NKD1: variants seen among roughly 807,000 people sequenced by gnomAD.
NKD1 encodes protein naked cuticle homolog 1.
A neutral mutation model predicts 56.0 loss-of-function variants in NKD1; 21 were observed. The ratio of observed to expected loss-of-function variants is 0.38; its 90% CI spans 0.27 to 0.54. The LOEUF (loss-of-function observed/expected upper bound fraction) is 0.54. NKD1 is among the 20% of genes least tolerant of loss of function. The pLI is 0.82. For synonymous variants in NKD1, 263 were observed against 265.7 expected, an observed-to-expected ratio of 0.99 and a Z score of 0.10; for missense variants, 578 against 642.7, an observed-to-expected ratio of 0.90 and a Z score of 1.09.
chr16:50,627,138 T>G (rs112532149), intron 6 of NKD1, among the ~76,000 whole-genome samples: 516 of 152,040 alleles, frequency 3.4e-3, no homozygotes, highest in African/African-American at 0.012. Context: ...ATGCTCCAAC[T>G]GCTGTATTCG....
At position 50,548,471 on chromosome 16, in the gene NKD1, G is replaced by C. The variant is rs1960283721; in HGVS notation, c.-83G>C. 3.5e-6 allele frequency: 4 copies of C among 1,155,436 alleles called. No individual in the cohort carries two copies. The South Asian group carries it at 7.3e-5, about 21-fold the overall frequency. 71.6% of individuals were successfully genotyped at this position (1,155,436 alleles called of 1,614,324 possible). On this transcript the variant is annotated 5_prime_UTR_variant, in exon 1 of 10. Transcript: ENST00000268459. ...CTCCGCTCGGCTCGGGGGCTGCTTC[G>C]GGAGGAGGAGAGCCAAGGGAGGCGC...
chr16:50,598,229 C>CTGTGTGTGTG lies in NKD1; in HGVS notation c.193-10040_193-10031dup, dbSNP rs5816707. On this transcript the variant is annotated intron_variant, in intron 3 of 9. Transcript: ENST00000268459. This position sits in a 1 kb window ranked among gnomAD's most constrained non-coding sequence, Gnocchi z 4.2. ...CACTGCAGGGCCGCATGGGTGGACT[C>CTGTGTGTGTG]TGTGTGTGTGTGTGTGTGTGTGTGT... 2.6e-4 allele frequency among the ~76,000 whole-genome samples: 38 copies of CTGTGTGTGTG among 143,952 alleles called. No individual in the cohort carries two copies. Among genetic ancestry groups the CTGTGTGTGTG allele is most frequent in the South Asian group, 9.0e-4 (4 of 4,424 alleles). The allele number at this position is 143,952 out of a possible 152,430, so 94.4% of individuals were successfully genotyped here.
chr16:50,630,854 G>C lies in NKD1; in HGVS notation c.639G>C (p.Glu213Asp). ...ADLQSARPRAETKPTEDLRSW... is the reference protein window; with the variant it reads ...ADLQSARPRADTKPTEDLRSW... ...TGCAGAGCGCAAGGCCCCGAGCAGA[G>C]ACCAAGCCCACTGAGGACCTGCGGA... is the stretch of plus-strand genomic sequence containing the variant. Residue 213 changes from glutamate (E) to aspartate (D), a missense_variant, in exon 8 of 10, where the codon GAG becomes GAC. By Grantham distance (45) the Glu-to-Asp change is conservative. Transcript: ENST00000268459. 9.3e-6 allele frequency: 15 copies of C among 1,607,004 alleles called. No individual in the cohort carries two copies. The highest frequency in any genetic ancestry group is 1.3e-5 in the Non-Finnish European group (15 of 1,177,300).
At chr16:50,589,694 T>TTTCTCTTCTCTTCTCTTCTC (rs58760004) in intron 3 of NKD1, among the ~76,000 whole-genome samples, 2 of 120,674 alleles carry the variant, frequency 1.7e-5, no homozygotes, top group African/African-American at 6.2e-5. Context: ...TTTCTTTTCT[T>TTTCTCTTCTCTTCTCTTCTC]TTCTCTTCTC....
At chr16:50,580,137 G>A (rs1221904298) in intron 3 of NKD1, among the ~76,000 whole-genome samples, 3 of 152,220 alleles carry the variant, frequency 2.0e-5, no homozygotes, top group East Asian at 1.9e-4. Context: ...TCTCAGTCCC[G>A]TGGACTATGT....
At chr16:50,587,626 T>C (rs1324637251) in intron 3 of NKD1, among the ~76,000 whole-genome samples, 1 of 152,238 alleles carries the variant, frequency 6.6e-6, no homozygotes, top group East Asian at 1.9e-4. Context: ...GACTTCCCTC[T>C]GCTTCTACAG....
intron 3 of NKD1, among the ~76,000 whole-genome samples, chr16:50,597,666 C>T (rs1221874915): frequency 2.6e-5 from 4 of 152,176 alleles, no homozygotes; most frequent in African/African-American, 9.7e-5. Context: ...TCCTATCTGA[C>T]AGCACTGTGG....
chr16:50,602,385 C>T (rs1354319479), intron 3 of NKD1, among the ~76,000 whole-genome samples: 2 of 152,144 alleles, frequency 1.3e-5, no homozygotes, highest in East Asian at 1.9e-4. Flanking sequence ...ATTCTAGAGA[C>T]GAGGGGGCCG....
intron 3 of NKD1, chr16:50,556,218 C>G (rs1472080467): frequency 6.6e-6 from 1 of 152,302 alleles, no homozygotes; most frequent in Non-Finnish European, 1.5e-5. Flanking sequence ...TGGAGGCAAG[C>G]CTGAGCAGCT....
rs375412373 is a variant in NKD1, at chr16:50,549,876, C to A, written c.192+321C>A. The stretch of plus-strand genomic sequence containing the variant: ...CTGACTTCTACCTTGTTTCTGCCAC[C>A]AGCATTCAAAGGTGGAGGTGGAGTA... On this transcript the variant is annotated intron_variant, in intron 3 of 9. Coordinates refer to ENST00000268459, the MANE Select transcript of NKD1 (RefSeq NM_033119.5). 6.6e-5 allele frequency among the ~76,000 whole-genome samples: 10 copies of A among 152,104 alleles called. No individual in the cohort carries two copies. The South Asian group carries it at 1.2e-3, about 19-fold the overall frequency.
rs1277760735 is a variant in NKD1, at chr16:50,632,861, A to G, written c.824-331A>G. 6.6e-6 allele frequency among the ~76,000 whole-genome samples: 1 copy of G among 152,030 alleles called. No homozygotes were observed. Among genetic ancestry groups the G allele is most frequent in the Non-Finnish European group, 1.5e-5 (1 of 68,020 alleles). On this transcript the variant is annotated intron_variant, in intron 9 of 9. Transcript: ENST00000268459. The surrounding 1 kb of genome is among the most constrained non-coding windows in gnomAD (Gnocchi z 4.1). ...TCTTCATATGTTTAATTCCTCTATGAGTTACTTCTGTATGTTTTTAGCAAT... is the reference window on the plus strand; with the variant it reads ...TCTTCATATGTTTAATTCCTCTATGGGTTACTTCTGTATGTTTTTAGCAAT...
intron 4 of NKD1, among the ~76,000 whole-genome samples, chr16:50,612,115 A>C (rs1961860768): frequency 6.6e-6 from 1 of 152,188 alleles, no homozygotes; most frequent in African/African-American, 2.4e-5. Flanking sequence ...ATAAACACTC[A>C]CTGAAGAAGG....
intron 3 of NKD1, among the ~76,000 whole-genome samples, chr16:50,569,714 C>A (rs1411376515): frequency 6.6e-6 from 1 of 152,202 alleles, no homozygotes; most frequent in Non-Finnish European, 1.5e-5. Context: ...CTCCTCTCCT[C>A]CCACTTAGAT....
At chr16:50,590,818 T>TTTG (rs562142912) in intron 3 of NKD1, among the ~76,000 whole-genome samples, 10 of 152,074 alleles carry the variant, frequency 6.6e-5, no homozygotes, top group South Asian at 2.1e-4. Flanking sequence ...AAGCCTTTTT[T>TTTG]TTGTTGTTGT....
At chr16:50,615,883 C>G (rs1429869373) in intron 4 of NKD1, among the ~76,000 whole-genome samples, 1 of 152,190 alleles carries the variant, frequency 6.6e-6, no homozygotes, top group African/African-American at 2.4e-5. Context: ...GGTGGGATCG[C>G]TAGGACCCTC....
rs528126642 is a variant in NKD1, at chr16:50,643,420, C to T, written c.*9639C>T. On this transcript the variant is annotated 3_prime_UTR_variant, in exon 10 of 10. Transcript: ENST00000268459. ...TACAGGTTGACAAAGACCAGTCCTA[C>T]TCCGTTGTCTGCCATTACTCCAGCC... 1.3e-5 allele frequency: 2 copies of T among 152,376 alleles called. No homozygotes were observed. Among genetic ancestry groups the T allele is most frequent in the East Asian group, 3.9e-4 (2 of 5,184 alleles). The allele number at this position is 152,376 out of a possible 1,614,324, so 9.4% of individuals were successfully genotyped here.
At chr16:50,573,204 ATTTC>A (rs2151267179) in intron 3 of NKD1, among the ~76,000 whole-genome samples, 1 of 152,244 alleles carries the variant, frequency 6.6e-6, no homozygotes, top group Non-Finnish European at 1.5e-5. Flanking sequence ...GGTCTTTGTT[ATTTC>A]TTTCTTTGCT....
chr16:50,602,691 C>T (rs987584810), intron 3 of NKD1, among the ~76,000 whole-genome samples: 5 of 152,188 alleles, frequency 3.3e-5, no homozygotes, highest in Admixed American at 1.3e-4. Flanking sequence ...TCATGGCATA[C>T]ATGGGTTTGG....
intron 3 of NKD1, among the ~76,000 whole-genome samples, chr16:50,594,049 C>T (rs554514771): frequency 7.2e-5 from 11 of 152,214 alleles, no homozygotes; most frequent in African/African-American, 1.7e-4. Flanking sequence ...CAGCCTGAAA[C>T]GCGCTGGCTG....
Sources: allele counts gnomAD v4.1 joint callset (sites outside exome capture counted in the v4.1 genomes callset), GRCh38; gene constraint gnomAD v4.1.1; non-coding constraint Gnocchi (gnomAD v3.1); transcripts MANE v1.5; gene names NCBI Gene and HGNC (gene_info 2026-07-23, HGNC 2026-07-21).